The following PDE10A variants were observed in gnomAD, a reference collection of about 807,000 sequenced individuals.
PDE10A encodes the protein cAMP and cAMP-inhibited cGMP 3',5'-cyclic phosphodiesterase 10A.
A neutral mutation model predicts 97.7 loss-of-function variants in PDE10A; 39 were observed. That is an observed-to-expected ratio of 0.40 (90% CI 0.31 to 0.52). The LOEUF (loss-of-function observed/expected upper bound fraction) is 0.52. Among genes scored for constraint, PDE10A ranks in the 20% least tolerant of loss-of-function variants. PDE10A has a pLI of 0.56. For synonymous variants in PDE10A, 371 were observed against 376.8 expected (o/e 0.98, Z 0.18); for missense variants, 731 against 1,047.8 (o/e 0.70, Z 4.17).
At chr6:165,788,417 T>C in intron 1 of PDE10A, among the ~76,000 whole-genome samples, 1 of 147,472 alleles carries the variant, frequency 6.8e-6, no homozygotes, top group East Asian at 2.0e-4. Context: ...CTTGGGAGGC[T>C]GAGGCAGGAT....
intron 2 of PDE10A, 76 bp from the exon 3 acceptor site, chr6:165,482,419 C>T: frequency 8.9e-7 from 1 of 1,120,746 alleles, no homozygotes; most frequent in Non-Finnish European, 1.4e-6. Flanking sequence ...ATGTCATTTG[C>T]TTTCAATAAA....
chr6:165,956,425 T>C (rs1339096684), intron 1 of PDE10A, among the ~76,000 whole-genome samples: 1 of 152,242 alleles, frequency 6.6e-6, no homozygotes, highest in Admixed American at 6.5e-5. Flanking sequence ...GGTCTAACAG[T>C]GTTTAATTTA....
At chr6:165,674,421 T>G (rs1266671055) in intron 1 of PDE10A, among the ~76,000 whole-genome samples, 1 of 152,078 alleles carries the variant, frequency 6.6e-6, no homozygotes, top group East Asian at 1.9e-4. Context: ...TGGAAGTTCC[T>G]TTCTATTCTG....
chr6:165,579,001 G>A (rs766546248), intron 1 of PDE10A, among the ~76,000 whole-genome samples: 3 of 152,136 alleles, frequency 2.0e-5, no homozygotes, highest in Admixed American at 6.5e-5. Flanking sequence ...TGTAATCCAC[G>A]AACAGACAAG....
intron 1 of PDE10A, among the ~76,000 whole-genome samples, chr6:165,724,410 G>A (rs548083441): frequency 3.9e-5 from 6 of 152,098 alleles, no homozygotes; most frequent in Admixed American, 1.3e-4. Flanking sequence ...TTAAATTATC[G>A]CTTCTATTTT....
chr6:165,771,902 A>G (rs548077867), intron 1 of PDE10A, among the ~76,000 whole-genome samples: 2 of 152,192 alleles, frequency 1.3e-5, no homozygotes, highest in African/African-American at 4.8e-5. Context: ...CATGAGGGGA[A>G]GACAGGCCAG....
intron 1 of PDE10A, among the ~76,000 whole-genome samples, chr6:165,803,285 G>C (rs1219402372): frequency 6.6e-6 from 1 of 152,102 alleles, no homozygotes; most frequent in Non-Finnish European, 1.5e-5. Flanking sequence ...CTCCCTGAGT[G>C]GTTTCCATTC....
chr6:165,446,464 A>G (rs182833182), intron 5 of PDE10A, among the ~76,000 whole-genome samples: 2 of 152,358 alleles, frequency 1.3e-5, no homozygotes, highest in East Asian at 1.9e-4. Context: ...GGTCAAGGAA[A>G]TAACAAGGCC....
chr6:165,626,090 C>G (rs1788373005), intron 1 of PDE10A, among the ~76,000 whole-genome samples: 1 of 152,084 alleles, frequency 6.6e-6, no homozygotes, highest in South Asian at 2.1e-4. Flanking sequence ...AAACCCAACT[C>G]AAGAAGGGTC....
At chr6:165,947,957 T>C (rs1399876335) in intron 1 of PDE10A, among the ~76,000 whole-genome samples, 2 of 151,976 alleles carry the variant, frequency 1.3e-5, no homozygotes, top group African/African-American at 4.8e-5. Flanking sequence ...TTCTGCTTTA[T>C]TTTCAGAATA....
At chr6:165,879,403 C>T (rs928777274) in intron 1 of PDE10A, among the ~76,000 whole-genome samples, 4 of 152,180 alleles carry the variant, frequency 2.6e-5, no homozygotes, top group African/African-American at 9.6e-5. Flanking sequence ...CAACAACCAA[C>T]CTCTGTGTCT....
At chr6:165,764,877 C>G (rs1274173666) in intron 1 of PDE10A, among the ~76,000 whole-genome samples, 1 of 152,158 alleles carries the variant, frequency 6.6e-6, no homozygotes, top group Non-Finnish European at 1.5e-5. Flanking sequence ...TCTTATCTGG[C>G]CCCACCCACG....
At chr6:165,598,971 ACTGCCT>A (rs2128393226) in intron 1 of PDE10A, among the ~76,000 whole-genome samples, 1 of 152,244 alleles carries the variant, frequency 6.6e-6, no homozygotes, top group Admixed American at 6.5e-5. Context: ...CCCTACGCAG[ACTGCCT>A]CTCCAGTCCT....
At chr6:165,916,019 T>C (rs1213960132) in intron 1 of PDE10A, among the ~76,000 whole-genome samples, 1 of 152,272 alleles carries the variant, frequency 6.6e-6, no homozygotes, top group Non-Finnish European at 1.5e-5. Context: ...TCATTAGGTC[T>C]GGATGCTGCA....
chr6:165,871,924 GA>G lies in PDE10A; in HGVS notation c.-615+115604del, dbSNP rs1781214524. ...AAGGTGGAAATCAAGGTATTTTCAA[GA>G]AAATGACAGACTGACTCAGTGAAGC... On this transcript the variant is annotated intron_variant, in intron 1 of 19. Transcript: ENST00000366882. Among the ~76,000 whole-genome samples the G allele has an allele frequency of 3.9e-5, 6 of 152,314 alleles. No homozygotes were observed. The South Asian group carries it at 1.2e-3, about 32-fold the overall frequency.
Position 165,591,194 on chromosome 6 carries a change from G to C in PDE10A, c.866-47626C>G, listed in dbSNP as rs550144789. On this transcript the variant is annotated intron_variant, in intron 1 of 21. Transcript: ENST00000539869. ...TGTAAATTTGGTAACATGGAAAAAAGTGAATTGTGTTGCAGCCGTATCTAT... is the reference window on the plus strand; with the variant it reads ...TGTAAATTTGGTAACATGGAAAAAACTGAATTGTGTTGCAGCCGTATCTAT... Among the ~76,000 whole-genome samples the C allele has an allele frequency of 5.3e-5, 8 of 152,302 alleles. No individual in the cohort carries two copies. In the South Asian group the frequency reaches 1.7e-3, roughly 32 times the overall value.
chr6:165,651,842 C>G (rs1789701818), intron 1 of PDE10A, among the ~76,000 whole-genome samples: 2 of 152,062 alleles, frequency 1.3e-5, no homozygotes, highest in South Asian at 4.1e-4. Flanking sequence ...ATGGAATAAT[C>G]TATTTTTATT....
intron 13 of PDE10A, among the ~76,000 whole-genome samples, chr6:165,406,609 T>C (rs220776): frequency 6.6e-6 from 1 of 151,736 alleles, no homozygotes; most frequent in Admixed American, 6.6e-5. Flanking sequence ...CTCACCGTCT[T>C]TGATGGTTAA....
rs749580753 is a variant in PDE10A at position 165,333,106 on chromosome 6, C to T, written c.3087G>A (p.Glu1029=). The T allele has an allele frequency of 6.2e-7, 1 of 1,605,172 alleles. No individual in the cohort carries two copies. Among genetic ancestry groups the T allele is most frequent in the Admixed American group, 1.7e-5 (1 of 60,014 alleles). Residue 1029 remains glutamate (E), a synonymous_variant, in exon 22 of 22, where the codon GAG becomes GAA. Coordinates refer to ENST00000539869, the MANE Select transcript of PDE10A (RefSeq NM_001385079.1). ...KACRDNLSQW[E]KVIRGEETAT... ...CAGTCTCCTCCCCTCGAATCACCTTCTCCCACTGACTGAGATTATCCCTAG... is the reference window on the plus strand; with the variant it reads ...CAGTCTCCTCCCCTCGAATCACCTTTTCCCACTGACTGAGATTATCCCTAG...
Sources: allele counts gnomAD v4.1 joint callset (sites outside exome capture counted in the v4.1 genomes callset), GRCh38; gene constraint gnomAD v4.1.1; transcripts MANE v1.5; gene names NCBI Gene and HGNC (gene_info 2026-07-23, HGNC 2026-07-21).